Variants in PLCXD3 observed in about 807,000 individuals in gnomAD.
The protein encoded by PLCXD3 is PI-PLC X domain-containing protein 3.
A neutral mutation model predicts 25.5 loss-of-function variants in PLCXD3; 19 were observed. That is an observed-to-expected ratio of 0.75 (90% CI 0.52 to 1.09). The LOEUF is 1.09. PLCXD3 is among the 50% of genes least tolerant of loss of function. The probability of loss-of-function intolerance (pLI) is 0.00; values close to 1 mark genes in which losing one functional copy is unlikely to be tolerated. For synonymous variants in PLCXD3, 174 were observed against 137.6 expected, an observed-to-expected ratio of 1.26 and a Z score of -1.85; for missense variants, 411 against 388.1, an observed-to-expected ratio of 1.06 and a Z score of -0.50.
At chr5:41,483,979 G>T (rs1748465537) in intron 1 of PLCXD3, among the ~76,000 whole-genome samples, 1 of 151,938 alleles carries the variant, frequency 6.6e-6, no homozygotes, top group Non-Finnish European at 1.5e-5. Context: ...CATTAATGTA[G>T]AATTCCTCTC....
At chr5:41,352,049 C>T (rs2150481296) in intron 2 of PLCXD3, among the ~76,000 whole-genome samples, 1 of 152,288 alleles carries the variant, frequency 6.6e-6, no homozygotes, top group South Asian at 2.1e-4. Flanking sequence ...GTAGTATTAA[C>T]TTATGCAAGC....
intron 1 of PLCXD3, among the ~76,000 whole-genome samples, chr5:41,510,203 A>C (rs1453130708): frequency 6.6e-6 from 1 of 152,156 alleles, no homozygotes; most frequent in Non-Finnish European, 1.5e-5. Context: ...CCAGGAGAAA[A>C]GCAGTCACCT....
At chr5:41,349,765 T>C (rs1191237609) in intron 2 of PLCXD3, among the ~76,000 whole-genome samples, 5 of 152,178 alleles carry the variant, frequency 3.3e-5, no homozygotes, top group African/African-American at 7.2e-5. Flanking sequence ...TACAACACAA[T>C]TGCATGCATC....
chr5:41,347,654 A>G (rs2150479848), intron 2 of PLCXD3, among the ~76,000 whole-genome samples: 1 of 152,332 alleles, frequency 6.6e-6, no homozygotes, highest in East Asian at 1.9e-4. Flanking sequence ...GAAGACATGG[A>G]AGATGAATGT....
At chr5:41,461,313 T>C (rs1438465797) in intron 1 of PLCXD3, among the ~76,000 whole-genome samples, 1 of 152,026 alleles carries the variant, frequency 6.6e-6, no homozygotes, top group African/African-American at 2.4e-5. Context: ...AAACATTTTT[T>C]CTTTCTTTCT....
intron 1 of PLCXD3, among the ~76,000 whole-genome samples, chr5:41,397,255 C>G (rs1012234833): frequency 1.3e-5 from 2 of 152,174 alleles, no homozygotes; most frequent in Non-Finnish European, 2.9e-5. Flanking sequence ...GGCCTTGCTG[C>G]TCTGTGTAGT....
intron 2 of PLCXD3, among the ~76,000 whole-genome samples, chr5:41,356,340 C>A (rs1278549747): frequency 6.6e-6 from 1 of 152,078 alleles, no homozygotes; most frequent in African/African-American, 2.4e-5. Flanking sequence ...TAACTGTTAC[C>A]AAGAGTTGGC....
intron 1 of PLCXD3, among the ~76,000 whole-genome samples, chr5:41,409,136 A>G (rs1173021221): frequency 6.6e-6 from 1 of 152,226 alleles, no homozygotes; most frequent in Non-Finnish European, 1.5e-5. Context: ...TAAGGGAAAG[A>G]TATGCTTTAT....
intron 1 of PLCXD3, among the ~76,000 whole-genome samples, chr5:41,466,780 T>C (rs545200589): frequency 1.3e-5 from 2 of 152,128 alleles, no homozygotes; most frequent in Admixed American, 6.6e-5. Context: ...CTTTATTAGA[T>C]TCCTCATATA....
chr5:41,326,534 A>T (rs1743632483), intron 2 of PLCXD3, among the ~76,000 whole-genome samples: 1 of 151,962 alleles, frequency 6.6e-6, no homozygotes, highest in African/African-American at 2.4e-5. Context: ...TTCTCCAGTG[A>T]TACTGAAATG....
intron 2 of PLCXD3, among the ~76,000 whole-genome samples, chr5:41,325,732 T>A (rs1743606705): frequency 2.0e-5 from 3 of 152,344 alleles, no homozygotes; most frequent in Admixed American, 2.0e-4. Flanking sequence ...ATGCCACCAA[T>A]GTAACAATTT....
intron 1 of PLCXD3, among the ~76,000 whole-genome samples, chr5:41,391,067 C>G (rs1185956771): frequency 6.6e-6 from 1 of 152,182 alleles, no homozygotes; most frequent in Non-Finnish European, 1.5e-5. Context: ...CCAAACTTGA[C>G]TGCCTGCAAA....
At chr5:41,399,019 C>G (rs1490049479) in intron 1 of PLCXD3, among the ~76,000 whole-genome samples, 1 of 151,572 alleles carries the variant, frequency 6.6e-6, no homozygotes, top group East Asian at 1.9e-4. Context: ...GATATAAAAT[C>G]AACATACAAA....
At chr5:41,410,141 C>CTTTTTTTTTTTTTTTT (rs5867553) in intron 1 of PLCXD3, among the ~76,000 whole-genome samples, 2 of 121,400 alleles carry the variant, frequency 1.6e-5, no homozygotes, top group Admixed American at 8.4e-5. Context: ...TTTTATTTAT[C>CTTTTTTTTTTTTTTTT]TTTTTTTTTT....
intron 2 of PLCXD3, among the ~76,000 whole-genome samples, chr5:41,334,014 T>C (rs1338522417): frequency 1.3e-5 from 2 of 152,146 alleles, no homozygotes; most frequent in African/African-American, 4.8e-5. Flanking sequence ...AACCCTTATT[T>C]GCTAAATATT....
intron 1 of PLCXD3, among the ~76,000 whole-genome samples, chr5:41,403,276 A>G (rs1051301010): frequency 1.4e-5 from 2 of 140,148 alleles, no homozygotes; most frequent in Non-Finnish European, 3.1e-5. Flanking sequence ...AGAAAAGAGG[A>G]ACTCTTTTTT....
At chr5:41,451,726 A>G (rs1051212016) in intron 1 of PLCXD3, among the ~76,000 whole-genome samples, 11 of 151,916 alleles carry the variant, frequency 7.2e-5, no homozygotes, top group African/African-American at 2.7e-4. Context: ...AAGACATTGA[A>G]GGGAAACTGG....
intron 2 of PLCXD3, among the ~76,000 whole-genome samples, chr5:41,324,440 CCA>C (rs1214191638): frequency 6.6e-6 from 1 of 152,090 alleles, no homozygotes; most frequent in Non-Finnish European, 1.5e-5. Flanking sequence ...CCTGTCAGAC[CCA>C]GATAGAGGAG....
chr5:41,371,638 C>A (rs1171968263), intron 2 of PLCXD3, among the ~76,000 whole-genome samples: 1 of 152,138 alleles, frequency 6.6e-6, no homozygotes, highest in Non-Finnish European at 1.5e-5. Context: ...CATGTATGAA[C>A]CCCATGGTAT....
Sources: gnomAD v4.1 joint callset for allele counts (sites outside exome capture counted in the v4.1 genomes callset) on GRCh38, gnomAD v4.1.1 for gene constraint, MANE v1.5 for transcripts, NCBI Gene and HGNC (gene_info 2026-07-23, HGNC 2026-07-21) for gene names.